The following NRG3 variants were observed in gnomAD, a reference collection of about 807,000 sequenced individuals.
NRG3 encodes the protein pro-neuregulin-3, membrane-bound isoform.
NRG3 carries 31 observed loss-of-function variants against 66.9 expected under a neutral mutation model. That is an observed-to-expected ratio of 0.46 (90% CI 0.35 to 0.63). The LOEUF (loss-of-function observed/expected upper bound fraction) is 0.63. Among genes scored for constraint, NRG3 ranks in the 20% least tolerant of loss-of-function variants. The pLI is 0.00. For missense variants in NRG3, 910 were observed against 878.9 expected (o/e 1.04, Z -0.45); for synonymous variants, 393 against 359.4 (o/e 1.09, Z -1.06).
At chr10:82,415,838 TAAAGTATATGTGATGTAAAGA>T (rs2088518828) in intron 2 of NRG3, among the ~76,000 whole-genome samples, 1 of 152,162 alleles carries the variant, frequency 6.6e-6, no homozygotes, top group Non-Finnish European at 1.5e-5. Flanking sequence ...TCTGGCAAAC[TAAAGTATATGTGATGTAAAGA>T]TGTTCAGGTA....
At chr10:82,578,926 AT>A in intron 2 of NRG3, among the ~76,000 whole-genome samples, 1 of 152,044 alleles carries the variant, frequency 6.6e-6, no homozygotes, top group African/African-American at 2.4e-5. Flanking sequence ...TAATGAAATC[AT>A]TTTTTAAATG....
At chr10:82,707,094 A>G (rs1325528980) in intron 2 of NRG3, among the ~76,000 whole-genome samples, 1 of 149,676 alleles carries the variant, frequency 6.7e-6, no homozygotes, top group Admixed American at 6.7e-5. Context: ...CAAAATGAAT[A>G]CTTTTGTACT....
chr10:81,947,801 A>C (rs898427734), intron 1 of NRG3, among the ~76,000 whole-genome samples: 2 of 152,102 alleles, frequency 1.3e-5, no homozygotes, highest in African/African-American at 2.4e-5. Context: ...TCAGCACTTC[A>C]TTATCGCAGG....
chr10:82,418,562 T>C (rs774779104), intron 2 of NRG3, among the ~76,000 whole-genome samples: 1 of 152,126 alleles, frequency 6.6e-6, no homozygotes, highest in Admixed American at 6.6e-5. Context: ...TATGACATTA[T>C]GTTATTTGTT....
intron 1 of NRG3, among the ~76,000 whole-genome samples, chr10:82,216,983 C>A (rs2075722251): frequency 6.6e-6 from 1 of 152,068 alleles, no homozygotes. Flanking sequence ...TCATACTGAG[C>A]AAATCTAGAC....
intron 2 of NRG3, among the ~76,000 whole-genome samples, chr10:82,518,828 G>A (rs1399207182): frequency 6.6e-6 from 1 of 152,068 alleles, no homozygotes; most frequent in Admixed American, 6.6e-5. Flanking sequence ...CCATTGTGAG[G>A]TATAATAGAT....
At chr10:82,278,350 G>C (rs959974592) in intron 1 of NRG3, among the ~76,000 whole-genome samples, 19 of 152,160 alleles carry the variant, frequency 1.2e-4, no homozygotes, top group African/African-American at 4.1e-4. Flanking sequence ...GGAATTCTTT[G>C]CTTCTTTAGT....
chr10:81,979,570 T>C (rs2060257965), intron 1 of NRG3, among the ~76,000 whole-genome samples: 1 of 152,206 alleles, frequency 6.6e-6, no homozygotes, highest in South Asian at 2.1e-4. Context: ...ATTGTTGGTT[T>C]TTATTTTCAG....
At chr10:81,884,517 G>C (rs1269421441) in intron 1 of NRG3, among the ~76,000 whole-genome samples, 1 of 151,848 alleles carries the variant, frequency 6.6e-6, no homozygotes, top group Non-Finnish European at 1.5e-5. Context: ...AGCAACCAGG[G>C]ATCAAAAATA....
At chr10:82,326,206 C>T (rs1001632195) in intron 1 of NRG3, among the ~76,000 whole-genome samples, 4 of 152,086 alleles carry the variant, frequency 2.6e-5, no homozygotes, top group Admixed American at 6.5e-5. Context: ...CTTTCAGTTT[C>T]TTAAAGATCA....
intron 2 of NRG3, among the ~76,000 whole-genome samples, chr10:82,391,780 A>G (rs2086382144): frequency 1.3e-5 from 2 of 152,124 alleles, no homozygotes; most frequent in Non-Finnish European, 2.9e-5. Flanking sequence ...ACTCTCCTTC[A>G]GTCTCTATAC....
chr10:81,889,541 C>T (rs1031471942), intron 1 of NRG3: 3 of 152,172 alleles, frequency 2.0e-5, no homozygotes, highest in Non-Finnish European at 4.4e-5. Flanking sequence ...TCATCACTCT[C>T]GCCTGCTCAG....
At chr10:82,097,748 C>G (rs2066446724) in intron 1 of NRG3, among the ~76,000 whole-genome samples, 1 of 151,958 alleles carries the variant, frequency 6.6e-6, no homozygotes, top group Non-Finnish European at 1.5e-5. Context: ...ACATTCCTGA[C>G]AGCATTTGGT....
Position 82,349,180 on chromosome 10 carries a change from C to T in NRG3, c.824-9559C>T, listed in dbSNP as rs1478457394. Among the ~76,000 whole-genome samples the T allele has an allele frequency of 2.7e-5, 4 of 150,158 alleles. No individual in the cohort carries two copies. In the East Asian group the frequency reaches 7.9e-4, roughly 30 times the overall value. ...TTCCAGTTTTTCTGTTCTGTTTTTT[C>T]CCCATCTTTGTGGTTTTATCTACTT... On this transcript the variant is annotated intron_variant, in intron 1 of 8. Coordinates refer to ENST00000372141, the MANE Select transcript of NRG3 (RefSeq NM_001010848.4).
chr10:82,649,459 C>CTTTTTTTTTTTTTTT (rs71469930), intron 2 of NRG3, among the ~76,000 whole-genome samples: 31 of 48,798 alleles, frequency 6.4e-4, no homozygotes, highest in African/African-American at 1.9e-3. Context: ...CTGGTGCAGG[C>CTTTTTTTTTTTTTTT]TTTTTTTTTT....
chr10:82,505,562 A>T (rs1392518066), intron 2 of NRG3, among the ~76,000 whole-genome samples: 1 of 152,054 alleles, frequency 6.6e-6, no homozygotes, highest in Non-Finnish European at 1.5e-5. Flanking sequence ...CTAGCTGTTG[A>T]CGTTTGTGTA....
rs549768008 is a variant in NRG3, at chr10:82,870,120, A to G, written c.1054+4683A>G. Among the ~76,000 whole-genome samples, 29 of 139,868 alleles carry G rather than the reference A, an allele frequency of 2.1e-4. No homozygotes were observed. In the South Asian group the frequency reaches 3.2e-3, roughly 16 times the overall value. The allele number at this position is 139,868 out of a possible 152,430, so 91.8% of individuals were successfully genotyped here. A position where few individuals can be genotyped will look rare whatever the true frequency, so the allele number is the denominator to read the frequency against. On this transcript the variant is annotated intron_variant, in intron 4 of 8. Transcript: ENST00000372141. ...CCTGACCTCGTGATCTGCCCGCCTC[A>G]GCCTCCCAAAGTGCTAGGATTACAG...
chr10:82,090,058 TA>T (rs1357640079), intron 1 of NRG3, among the ~76,000 whole-genome samples: 20 of 152,324 alleles, frequency 1.3e-4, no homozygotes, highest in African/African-American at 4.6e-4. Flanking sequence ...ACATAATATA[TA>T]AGTGGGTTTC....
At chr10:82,133,980 C>A (rs1462533118) in intron 1 of NRG3, among the ~76,000 whole-genome samples, 1 of 152,100 alleles carries the variant, frequency 6.6e-6, no homozygotes, top group Non-Finnish European at 1.5e-5. Context: ...GATGGTATCT[C>A]ATTGTGGGTT....
Sources: gnomAD v4.1 joint callset for allele counts (sites outside exome capture counted in the v4.1 genomes callset) on GRCh38, gnomAD v4.1.1 for gene constraint, MANE v1.5 for transcripts, NCBI Gene and HGNC (gene_info 2026-07-23, HGNC 2026-07-21) for gene names.